LRIG3: variants seen among roughly 807,000 people sequenced by gnomAD.
LRIG3 encodes the protein leucine rich repeats and immunoglobulin like domains 3, also known as leucine-rich repeats and immunoglobulin-like domains protein 3.
A neutral mutation model predicts 114.5 loss-of-function variants in LRIG3; 76 were observed. The observed-to-expected ratio is 0.66, with a 90% CI of 0.55 to 0.80. The LOEUF (loss-of-function observed/expected upper bound fraction) is 0.80, where lower values mean the gene tolerates loss of function less well. Ranked by LOEUF, LRIG3 falls within the 30% of genes least tolerant of loss-of-function variation. The pLI, the probability that LRIG3 is intolerant of heterozygous loss-of-function variation, is 0.00. For missense variants in LRIG3, 1,239 were observed against 1,382.8 expected (o/e 0.90, Z 1.65); for synonymous variants, 512 against 519.8 (o/e 0.98, Z 0.20).
intron 13 of LRIG3, among the ~76,000 whole-genome samples, chr12:58,879,896 G>C (rs1871061342): frequency 6.6e-6 from 1 of 152,218 alleles, no homozygotes; most frequent in East Asian, 1.9e-4. Context: ...AATCACGCAG[G>C]AGTGGCAGGA....
rs1256462775 is a variant in LRIG3, at chr12:58,874,284, G to A, written c.2886C>T (p.Pro962=). ...AGCACTCCTTTTTCTTTATGTAACT[G>A]GGCTCATAGTGGTCCATTAAAACTG... ...PRTVLMDHYE[P]SYIKKKECYP... Residue 962 remains proline (P), a synonymous_variant, in exon 18 of 19, where the codon CCC becomes CCT. Transcript: ENST00000320743. The A allele has an allele frequency of 1.9e-6, 3 of 1,613,794 alleles. No individual in the cohort carries two copies. The Admixed American group carries it at 5.0e-5, about 27-fold the overall frequency.
rs766638941 is a variant in LRIG3, at chr12:58,877,385, C to T, written c.2536+15G>A. Reference sequence around the variant, plus strand: ...CATGACTCCGGTGACCTGTGCCAAGCTTCTGTTTACACACCTGTGTTGGTA... The same window carrying T: ...CATGACTCCGGTGACCTGTGCCAAGTTTCTGTTTACACACCTGTGTTGGTA... On this transcript the variant is annotated intron_variant, in intron 15 of 18. Transcript: ENST00000320743. 8.1e-6 allele frequency: 13 copies of T among 1,609,656 alleles called. No homozygotes were observed. The South Asian group carries it at 1.4e-4, about 18-fold the overall frequency.
At chr12:58,883,721 T>A in intron 10 of LRIG3, 130 bp from the exon 11 acceptor site, 1 of 501,534 alleles carries the variant, frequency 2.0e-6, no homozygotes, top group Non-Finnish European at 3.5e-6. Flanking sequence ...AATACATGAC[T>A]GGGGCAGCCC....
At chr12:58,876,716 A>C (rs1870931439) in intron 15 of LRIG3, 113 bp from the exon 16 acceptor site, 1 of 1,075,420 alleles carries the variant, frequency 9.3e-7, no homozygotes. Context: ...AAATTAGGGG[A>C]GATCTACTCT....
At chr12:58,888,098 G>C (rs143381088) in intron 7 of LRIG3, among the ~76,000 whole-genome samples, 166 bp from the exon 8 acceptor site, 3 of 151,988 alleles carry the variant, frequency 2.0e-5, no homozygotes, top group Non-Finnish European at 4.4e-5. Flanking sequence ...AAAAAAATAC[G>C]TTCTCTTTAC....
rs747298892 is a variant in LRIG3 at position 58,877,816 on chromosome 12, G to C, written c.2120C>G (p.Thr707Ser). 5 of 1,612,926 alleles carry C rather than the reference G, an allele frequency of 3.1e-6. No individual in the cohort carries two copies. The South Asian group carries it at 5.5e-5, about 18-fold the overall frequency. ...GACGGCTGTTTCTCCCTTGGTTACA[G>C]TTCGGTCCAACAGTGGCCGCAAAAA... is the stretch of plus-strand genomic sequence containing the variant. ...PSFLRPLLDR[T>S]VTKGETAVLQ... is the part of the protein sequence containing the mutation. Residue 707 changes from threonine to serine, a missense_variant, in exon 15 of 19, where the codon ACT becomes AGT. Transcript: ENST00000320743.
intron 3 of LRIG3, among the ~76,000 whole-genome samples, chr12:58,895,015 G>A (rs1007261524): frequency 2.6e-5 from 4 of 152,182 alleles, no homozygotes; most frequent in African/African-American, 7.2e-5. Context: ...GGAAAAACAG[G>A]AGAACCACGT....
In LRIG3 at chr12:58,886,893, A is replaced by C. The variant is rs759706177; in HGVS notation, c.1092-3T>G. On this transcript the variant is annotated splice_region_variant and splice_polypyrimidine_tract_variant and intron_variant, in intron 8 of 18. Coordinates refer to ENST00000320743, the MANE Select transcript of LRIG3 (RefSeq NM_153377.5). The stretch of plus-strand genomic sequence containing the variant: ...AAATTTCATTGTTCTTCAGATCCCT[A>C]ATTTTAAAAGAAGCATTCCCTTTAG... The C allele has an allele frequency of 6.2e-7, 1 of 1,611,414 alleles. No homozygotes were observed. The highest frequency in any genetic ancestry group is 8.5e-7 in the Non-Finnish European group (1 of 1,177,834).
chr12:58,895,476 T>C (rs1211444143), intron 3 of LRIG3, among the ~76,000 whole-genome samples: 1 of 152,104 alleles, frequency 6.6e-6, no homozygotes, highest in Admixed American at 6.5e-5. Context: ...AGAGCAAAGC[T>C]TCCCTTAGAG....
At chr12:58,886,000 T>C (rs1381740795) in intron 9 of LRIG3, 98 bp from the exon 10 acceptor site, 2 of 560,436 alleles carry the variant, frequency 3.6e-6, no homozygotes, top group East Asian at 7.7e-5. Context: ...GTGTGAGCAA[T>C]TCCATTTTCT....
intron 1 of LRIG3, chr12:58,919,599 A>G (rs1220553922): frequency 6.6e-7 from 1 of 1,523,686 alleles, no homozygotes; most frequent in Non-Finnish European, 8.8e-7. Flanking sequence ...AAACTGAACC[A>G]GACTCATAAC....
chr12:58,920,231 C>T lies in LRIG3; in HGVS notation c.5G>A (p.Ser2Asn), dbSNP rs1872625674. The change falls in exon 1 of 19, where the codon AGC (serine) becomes AAC (asparagine). Residue 2 changes from serine (S) to asparagine (N), a missense_variant. Coordinates refer to ENST00000320743, the MANE Select transcript of LRIG3 (RefSeq NM_153377.5). M[S>N]APSLRARAAG... ...GGCGCGCGCACGGAGGCTCGGCGCG[C>T]TCATCGCGGTCCAGCGGCCTAGGTC... 1.4e-6 allele frequency: 2 copies of T among 1,381,978 alleles called. No homozygotes were observed. The highest frequency in any genetic ancestry group is 1.9e-6 in the Non-Finnish European group (2 of 1,078,238). 85.6% of individuals were successfully genotyped at this position (1,381,978 alleles called of 1,614,324 possible). A position where few individuals can be genotyped will look rare whatever the true frequency, so the allele number is the denominator to read the frequency against.
At chr12:58,884,968 T>A (rs552788401) in intron 10 of LRIG3, among the ~76,000 whole-genome samples, 1 of 152,208 alleles carries the variant, frequency 6.6e-6, no homozygotes, top group African/African-American at 2.4e-5. Flanking sequence ...AGTTAAAACA[T>A]GCAAGTTTTG....
chr12:58,900,157 A>G (rs1362280901), intron 3 of LRIG3, among the ~76,000 whole-genome samples: 1 of 152,138 alleles, frequency 6.6e-6, no homozygotes, highest in Non-Finnish European at 1.5e-5. Flanking sequence ...TTTGGAGGGG[A>G]AACCTGGAGG....
chr12:58,883,389 C>A, intron 11 of LRIG3, 131 bp downstream of exon 11: 1 of 582,332 alleles, frequency 1.7e-6, no homozygotes. Flanking sequence ...TTTCTGTTGC[C>A]TAGTATAAAA....
intron 14 of LRIG3, among the ~76,000 whole-genome samples, chr12:58,878,194 T>C (rs1012103616): frequency 2.6e-5 from 4 of 152,088 alleles, no homozygotes. Context: ...CAAGGGTATG[T>C]TGATAAATAA....
intron 3 of LRIG3, among the ~76,000 whole-genome samples, chr12:58,905,512 G>A (rs1872029335): frequency 6.6e-6 from 1 of 152,190 alleles, no homozygotes. Flanking sequence ...TGTATGTACT[G>A]GTGAAGGCTG....
chr12:58,887,103 A>G, intron 8 of LRIG3: 1 of 505,444 alleles, frequency 2.0e-6, no homozygotes, highest in East Asian at 3.3e-5. Flanking sequence ...TAAAATCCGA[A>G]AAAGCTGACA....
intron 3 of LRIG3, among the ~76,000 whole-genome samples, chr12:58,897,444 A>T (rs2120935823): frequency 6.6e-6 from 1 of 152,300 alleles, no homozygotes; most frequent in East Asian, 1.9e-4. Flanking sequence ...CACATGTTAA[A>T]AATGAAAAAA....
Sources: gnomAD v4.1 joint callset for allele counts (sites outside exome capture counted in the v4.1 genomes callset) on GRCh38, gnomAD v4.1.1 for gene constraint, MANE v1.5 for transcripts, NCBI Gene and HGNC (gene_info 2026-07-23, HGNC 2026-07-21) for gene names.